The following SPOPL variants were observed in gnomAD, a reference collection of about 807,000 sequenced individuals.
SPOPL encodes the protein speckle-type POZ protein-like.
Under a neutral mutation model 53.8 loss-of-function variants are expected in SPOPL, and 23 were observed. The ratio of observed to expected loss-of-function variants is 0.43; its 90% confidence interval spans 0.31 to 0.61. The LOEUF (loss-of-function observed/expected upper bound fraction) is 0.61, where lower values mean the gene tolerates loss of function less well. Among genes scored for constraint, SPOPL ranks in the 20% least tolerant of loss-of-function variants. The pLI is 0.12. For missense variants in SPOPL, 442 were observed against 466.9 expected (o/e 0.95, Z 0.49); for synonymous variants, 164 against 149.7 (o/e 1.10, Z -0.70).
At chr2:138,535,420 T>A (rs1197829609) in intron 1 of SPOPL, among the ~76,000 whole-genome samples, 2 of 152,142 alleles carry the variant, frequency 1.3e-5, no homozygotes, top group Non-Finnish European at 2.9e-5. Context: ...TGAGGAATCC[T>A]TAAACTGTTT....
At chr2:138,509,401 AT>A (rs1684281393) in intron 1 of SPOPL, among the ~76,000 whole-genome samples, 1 of 152,124 alleles carries the variant, frequency 6.6e-6, no homozygotes, top group Non-Finnish European at 1.5e-5. Context: ...TTGAAATATT[AT>A]TTTATAGGTA....
intron 8 of SPOPL, among the ~76,000 whole-genome samples, chr2:138,562,879 G>C (rs1353919138): frequency 6.6e-6 from 1 of 151,416 alleles, no homozygotes; most frequent in African/African-American, 2.4e-5. Flanking sequence ...TGTGATGTTA[G>C]GTTAGGCAGA....
intron 7 of SPOPL, among the ~76,000 whole-genome samples, chr2:138,560,369 A>G (rs1473983813): frequency 3.9e-5 from 6 of 152,116 alleles, no homozygotes; most frequent in African/African-American, 1.4e-4. Context: ...AAGGGTTAAT[A>G]GCCAGTGTCC....
At chr2:138,535,335 C>T (rs956625200) in intron 1 of SPOPL, among the ~76,000 whole-genome samples, 2 of 152,158 alleles carry the variant, frequency 1.3e-5, no homozygotes, top group African/African-American at 2.4e-5. Flanking sequence ...ATTTGAACAC[C>T]TGTTTCCAGT....
At position 138,550,894 on chromosome 2, in the gene SPOPL, T is replaced by C. The variant is rs775211433; in HGVS notation, c.201-9T>C. The C allele has an allele frequency of 6.9e-6, 11 of 1,601,686 alleles. No homozygotes were observed. The African/African-American group carries it at 1.5e-4, about 22-fold the overall frequency. On this transcript the variant is annotated splice_polypyrimidine_tract_variant and intron_variant, in intron 3 of 10. Transcript: ENST00000280098. Reference sequence around the variant, plus strand: ...TATTCCTCCATGTGAGCTTATTGTTTTATTTTAGGTGCCTGAGGGTAAACC... The same window carrying C: ...TATTCCTCCATGTGAGCTTATTGTTCTATTTTAGGTGCCTGAGGGTAAACC...
chr2:138,546,241 T>C (rs1305087990), intron 1 of SPOPL, among the ~76,000 whole-genome samples: 1 of 152,204 alleles, frequency 6.6e-6, no homozygotes, highest in African/African-American at 2.4e-5. Flanking sequence ...GTAGGAAATA[T>C]CACACTTGAA....
intron 1 of SPOPL, among the ~76,000 whole-genome samples, chr2:138,531,861 C>T (rs1350313774): frequency 1.3e-5 from 2 of 151,940 alleles, no homozygotes; most frequent in Non-Finnish European, 2.9e-5. Flanking sequence ...TATTGAATAA[C>T]TGTCATTGTA....
intron 1 of SPOPL, among the ~76,000 whole-genome samples, chr2:138,516,927 C>T (rs1041997477): frequency 1.3e-5 from 2 of 152,152 alleles, no homozygotes; most frequent in Non-Finnish European, 2.9e-5. Context: ...TTTGTTTCAC[C>T]AGTGCCTGAC....
At chr2:138,566,365 T>A (rs1223163960) in intron 10 of SPOPL, among the ~76,000 whole-genome samples, 2 of 152,224 alleles carry the variant, frequency 1.3e-5, no homozygotes, top group East Asian at 3.8e-4. Flanking sequence ...TCTAAGGAAA[T>A]ACTTCACATT....
Position 138,559,217 on chromosome 2 carries a change from G to T in SPOPL, c.658+18G>T. ...GCTTGCAGGTACTTTCTAGTTATGG[G>T]GTAATATAGTACATTTAAAAAAATG... is the stretch of plus-strand genomic sequence containing the variant. On this transcript the variant is annotated intron_variant, in intron 6 of 10. Coordinates refer to ENST00000280098, the MANE Select transcript of SPOPL (RefSeq NM_001001664.3). 2 of 1,611,764 alleles carry T rather than the reference G, an allele frequency of 1.2e-6. No homozygotes were observed. The highest frequency in any genetic ancestry group is 1.7e-6 in the Non-Finnish European group (2 of 1,179,002).
chr2:138,545,330 G>A (rs997856063), intron 1 of SPOPL, among the ~76,000 whole-genome samples: 2 of 152,148 alleles, frequency 1.3e-5, no homozygotes, highest in South Asian at 2.1e-4. Context: ...CCAAACTAGG[G>A]GAGGGAGCCG....
At chr2:138,560,081 A>G (rs1405099960) in intron 7 of SPOPL, among the ~76,000 whole-genome samples, 1 of 152,220 alleles carries the variant, frequency 6.6e-6, no homozygotes, top group Non-Finnish European at 1.5e-5. Context: ...ATTTGCTGTC[A>G]TTTAGTTAGA....
At chr2:138,529,665 A>G (rs138153350) in intron 1 of SPOPL, among the ~76,000 whole-genome samples, 29 of 152,168 alleles carry the variant, frequency 1.9e-4, no homozygotes, top group Middle Eastern at 3.4e-3. Flanking sequence ...AAGTCTTTCA[A>G]CTTTGTTGTT....
intron 10 of SPOPL, among the ~76,000 whole-genome samples, chr2:138,565,581 T>C (rs17838587): frequency 0.012 from 1,774 of 151,830 alleles, 39 homozygotes; most frequent in African/African-American, 0.04. Flanking sequence ...CTCTTACTTT[T>C]CATGACTTTT....
At chr2:138,554,367 A>G (rs1425445987) in intron 5 of SPOPL, 1 of 870,184 alleles carries the variant, frequency 1.1e-6, no homozygotes, top group Non-Finnish European at 1.5e-6. Context: ...GGCAAAAGGT[A>G]CTTTTAACTA....
At chr2:138,534,695 A>G (rs1684890094) in intron 1 of SPOPL, among the ~76,000 whole-genome samples, 1 of 152,170 alleles carries the variant, frequency 6.6e-6, no homozygotes, top group Non-Finnish European at 1.5e-5. Context: ...TTGTGCAACT[A>G]GCACCTCTGT....
At chr2:138,511,503 C>T (rs1288455285) in intron 1 of SPOPL, among the ~76,000 whole-genome samples, 1 of 152,140 alleles carries the variant, frequency 6.6e-6, no homozygotes, top group East Asian at 1.9e-4. Flanking sequence ...GTGTTGAGTA[C>T]TTAAGACATT....
At chr2:138,559,233 T>A (rs749772412) in intron 6 of SPOPL, 34 bp downstream of exon 6, 37 of 1,609,674 alleles carry the variant, frequency 2.3e-5, no homozygotes, top group African/African-American at 5.4e-5. Context: ...ATAGTACATT[T>A]AAAAAAATGC....
intron 1 of SPOPL, among the ~76,000 whole-genome samples, chr2:138,548,096 C>T (rs1188292350): frequency 2.0e-5 from 3 of 152,092 alleles, no homozygotes; most frequent in African/African-American, 7.2e-5. Flanking sequence ...ATAGCAAAGC[C>T]TTATCCCCAG....
Sources: allele counts gnomAD v4.1 joint callset (sites outside exome capture counted in the v4.1 genomes callset), GRCh38; gene constraint gnomAD v4.1.1; transcripts MANE v1.5; gene names NCBI Gene and HGNC (gene_info 2026-07-23, HGNC 2026-07-21).